The following KCNH1 variants were observed in gnomAD, a reference collection of about 807,000 sequenced individuals.
KCNH1 encodes potassium voltage-gated channel subfamily H member 1, also known as voltage-gated delayed rectifier potassium channel KCNH1.
KCNH1 carries 27 observed loss-of-function variants against 69.2 expected under a neutral mutation model. That is an observed-to-expected ratio of 0.39 (90% CI 0.29 to 0.54). The LOEUF is 0.54. Among genes scored for constraint, KCNH1 ranks in the 20% least tolerant of loss-of-function variants. The pLI is 0.68. For synonymous variants in KCNH1, 456 were observed against 487.7 expected (o/e 0.93, Z 0.86); for missense variants, 798 against 1,261.6 (o/e 0.63, Z 5.57).
intron 6 of KCNH1, among the ~76,000 whole-genome samples, chr1:211,014,060 T>C (rs1175350797): frequency 2.0e-5 from 3 of 152,184 alleles, no homozygotes; most frequent in Admixed American, 6.5e-5. Context: ...TGTGCTGCTG[T>C]CTGAGGTTAC....
At chr1:210,691,985 G>A (rs1329551789) in intron 10 of KCNH1, among the ~76,000 whole-genome samples, 1 of 152,222 alleles carries the variant, frequency 6.6e-6, no homozygotes, top group Non-Finnish European at 1.5e-5. Flanking sequence ...ATGCACAGAT[G>A]TCCCAGTGGC....
intron 7 of KCNH1, among the ~76,000 whole-genome samples, chr1:210,806,014 G>C (rs953381371): frequency 6.6e-6 from 1 of 152,058 alleles, no homozygotes; most frequent in Admixed American, 6.5e-5. Flanking sequence ...TCTGCTTTTT[G>C]GCTATTACAA....
At chr1:211,023,503 G>C (rs1050904045) in intron 5 of KCNH1, among the ~76,000 whole-genome samples, 3 of 151,552 alleles carry the variant, frequency 2.0e-5, no homozygotes, top group Admixed American at 2.0e-4. Context: ...GTCATTTGCA[G>C]CTCCATGGAT....
chr1:210,793,455 A>G (rs1298325282), intron 9 of KCNH1, among the ~76,000 whole-genome samples: 1 of 152,260 alleles, frequency 6.6e-6, no homozygotes, highest in African/African-American at 2.4e-5. Flanking sequence ...GCAATGTAAT[A>G]TACATTTCAT....
chr1:210,768,529 C>T (rs142462009), intron 10 of KCNH1, among the ~76,000 whole-genome samples: 14 of 152,278 alleles, frequency 9.2e-5, no homozygotes, highest in African/African-American at 2.4e-4. Flanking sequence ...ACTTACCACA[C>T]GTGAGGCAAC....
At chr1:211,103,028 C>T (rs1016205612) in intron 3 of KCNH1, among the ~76,000 whole-genome samples, 1 of 152,186 alleles carries the variant, frequency 6.6e-6, no homozygotes, top group African/African-American at 2.4e-5. Context: ...AAAACAAATA[C>T]AAATTAACAA....
chr1:211,014,403 C>G (rs2102410325), intron 6 of KCNH1, among the ~76,000 whole-genome samples: 1 of 152,294 alleles, frequency 6.6e-6, no homozygotes, highest in Non-Finnish European at 1.5e-5. Flanking sequence ...TCTCAAACGG[C>G]CTCCGAAACA....
intron 10 of KCNH1, among the ~76,000 whole-genome samples, chr1:210,707,506 C>T (rs1010180047): frequency 2.0e-5 from 3 of 152,194 alleles, no homozygotes; most frequent in African/African-American, 4.8e-5. Context: ...GTGCTCCCCC[C>T]ACGCTGTTTT....
intron 7 of KCNH1, among the ~76,000 whole-genome samples, chr1:210,839,643 T>C (rs35239268): frequency 0.053 from 8,079 of 152,288 alleles, 311 homozygotes; most frequent in Middle Eastern, 0.14. Flanking sequence ...GTCTATTTTC[T>C]TAAAAATAGA....
At chr1:211,093,896 A>G (rs1026734727) in intron 3 of KCNH1, among the ~76,000 whole-genome samples, 1 of 152,116 alleles carries the variant, frequency 6.6e-6, no homozygotes, top group Admixed American at 6.5e-5. Context: ...GGGAAGGCAA[A>G]AGGCAGGAAG....
At chr1:211,102,140 C>T (rs1254709089) in intron 3 of KCNH1, among the ~76,000 whole-genome samples, 3 of 152,184 alleles carry the variant, frequency 2.0e-5, no homozygotes, top group African/African-American at 4.8e-5. Flanking sequence ...GGATCTTCAG[C>T]CCCAGAGACA....
intron 8 of KCNH1, 39 bp from the exon 9 acceptor site, chr1:210,797,799 C>T (rs77475935): frequency 6.4e-5 from 101 of 1,585,556 alleles, no homozygotes; most frequent in Admixed American, 8.5e-5. Flanking sequence ...AGGGTCCTCA[C>T]TGTGGCCTTC....
chr1:211,084,631 G>T (rs1690920366), intron 4 of KCNH1, among the ~76,000 whole-genome samples: 2 of 152,220 alleles, frequency 1.3e-5, no homozygotes, highest in African/African-American at 4.8e-5. Context: ...GCAAGGGCAT[G>T]GGAAGGTGAG....
At chr1:210,698,769 G>A (rs1681704099) in intron 10 of KCNH1, among the ~76,000 whole-genome samples, 1 of 152,178 alleles carries the variant, frequency 6.6e-6, no homozygotes, top group African/African-American at 2.4e-5. Context: ...ATTATGGAGA[G>A]GAGGAAGCTG....
intron 10 of KCNH1, among the ~76,000 whole-genome samples, chr1:210,688,245 G>A (rs1317904737): frequency 1.3e-5 from 2 of 152,170 alleles, no homozygotes; most frequent in South Asian, 4.1e-4. Context: ...GTAGGGTATA[G>A]GATGCTCTCT....
At chr1:211,050,718 C>G (rs1369869763) in intron 5 of KCNH1, among the ~76,000 whole-genome samples, 1 of 152,052 alleles carries the variant, frequency 6.6e-6, no homozygotes, top group Non-Finnish European at 1.5e-5. Flanking sequence ...GGCTGGGTCA[C>G]AGAAATGTTG....
chr1:210,690,401 G>T (rs1332074173), intron 10 of KCNH1, among the ~76,000 whole-genome samples: 2 of 152,128 alleles, frequency 1.3e-5, no homozygotes, highest in African/African-American at 2.4e-5. Context: ...ACCTTGAGTG[G>T]CCGAGCGTCA....
intron 10 of KCNH1, among the ~76,000 whole-genome samples, chr1:210,748,237 G>A (rs1683205586): frequency 6.6e-6 from 1 of 152,160 alleles, no homozygotes; most frequent in Non-Finnish European, 1.5e-5. Flanking sequence ...TGGGATAGTG[G>A]GTATCTGGGC....
chr1:210,999,974 T>C (rs959024497), intron 6 of KCNH1, among the ~76,000 whole-genome samples: 12 of 151,998 alleles, frequency 7.9e-5, no homozygotes, highest in Non-Finnish European at 1.6e-4. Flanking sequence ...ACCCTTCATG[T>C]TAAAAACCCA....
Sources: gnomAD v4.1 joint callset for allele counts (sites outside exome capture counted in the v4.1 genomes callset) on GRCh38, gnomAD v4.1.1 for gene constraint, MANE v1.5 for transcripts, NCBI Gene and HGNC (gene_info 2026-07-23, HGNC 2026-07-21) for gene names.